KIAA1958: variants seen among roughly 807,000 people sequenced by gnomAD.
KIAA1958 encodes the protein KIAA1958.
A neutral mutation model predicts 47.2 loss-of-function variants in KIAA1958; 14 were observed. That is an observed-to-expected ratio of 0.30 (90% CI 0.20 to 0.46). The LOEUF is 0.46. Among genes scored for constraint, KIAA1958 ranks in the 20% least tolerant of loss-of-function variants. The pLI is 1.00. For synonymous variants in KIAA1958, 354 were observed against 353.3 expected, an observed-to-expected ratio of 1.00 and a Z score of -0.02; for missense variants, 803 against 909.2, an observed-to-expected ratio of 0.88 and a Z score of 1.50.
At chr9:112,571,711 G>T (rs796103878) in intron 1 of KIAA1958, among the ~76,000 whole-genome samples, 4 of 151,980 alleles carry the variant, frequency 2.6e-5, no homozygotes, top group African/African-American at 9.7e-5. Context: ...TGAGCTTTGG[G>T]AGGCTGAGAC....
chr9:112,660,782 A>G lies in KIAA1958; in HGVS notation c.*713A>G, dbSNP rs62575228. 0.077 allele frequency: 11,743 copies of G among 152,334 alleles called. 593 individuals carry two copies. The highest frequency in any genetic ancestry group is 0.11 in the Non-Finnish European group (7,748 of 68,052). The allele number at this position is 152,334 out of a possible 1,614,324, so 9.4% of individuals were successfully genotyped here. A position where few individuals can be genotyped will look rare whatever the true frequency, so the allele number is the denominator to read the frequency against. On this transcript the variant is annotated 3_prime_UTR_variant, in exon 4 of 4. Transcript: ENST00000337530. Reference sequence around the variant, plus strand: ...TCTGTGAGAACAAGGCTTCTAGTGAACTAGACAGTTTGTACCATGAGGGAA... The same window carrying G: ...TCTGTGAGAACAAGGCTTCTAGTGAGCTAGACAGTTTGTACCATGAGGGAA...
chr9:112,609,921 A>G (rs1482848271), intron 2 of KIAA1958, among the ~76,000 whole-genome samples: 1 of 152,202 alleles, frequency 6.6e-6, no homozygotes. Context: ...GACATCTTGT[A>G]TAATACCCTA....
At chr9:112,607,396 ACCTC>A (rs753503355) in intron 2 of KIAA1958, among the ~76,000 whole-genome samples, 29 of 151,836 alleles carry the variant, frequency 1.9e-4, no homozygotes, top group Non-Finnish European at 4.1e-4. Flanking sequence ...TGAGAGAGAG[ACCTC>A]AGTTTTCCAC....
intron 1 of KIAA1958, among the ~76,000 whole-genome samples, chr9:112,570,639 A>G (rs991368342): frequency 1.1e-4 from 17 of 152,238 alleles, no homozygotes; most frequent in Admixed American, 9.8e-4. Context: ...GTTGTGTTGT[A>G]AGGAATACAG....
At chr9:112,487,619 A>G (rs558917137) in intron 1 of KIAA1958, among the ~76,000 whole-genome samples, 1 of 152,086 alleles carries the variant, frequency 6.6e-6, no homozygotes, top group Admixed American at 6.5e-5. Flanking sequence ...TGGCTCGCCG[A>G]GGTGCGTTTG....
intron 1 of KIAA1958, among the ~76,000 whole-genome samples, chr9:112,508,340 G>A (rs928002932): frequency 1.3e-5 from 2 of 152,084 alleles, no homozygotes; most frequent in Non-Finnish European, 2.9e-5. Context: ...AAAAAATAGT[G>A]TCTTACTGGT....
intron 3 of KIAA1958, among the ~76,000 whole-genome samples, chr9:112,648,197 C>G (rs1211468894): frequency 6.6e-6 from 1 of 152,160 alleles, no homozygotes; most frequent in Non-Finnish European, 1.5e-5. Context: ...CAAGAGACAG[C>G]AAACAAGGTA....
rs1307174370 is a variant in KIAA1958 at position 112,659,396 on chromosome 9, G to A, written c.1478G>A (p.Gly493Asp). The A allele has an allele frequency of 6.2e-7, 1 of 1,614,224 alleles. No homozygotes were observed. The highest frequency in any genetic ancestry group is 8.5e-7 in the Non-Finnish European group (1 of 1,180,036). ...RGLDRILKNAGVGFSITSSTF... is the reference protein window; with the variant it reads ...RGLDRILKNADVGFSITSSTF... The stretch of plus-strand genomic sequence containing the variant: ...CTGGACCGCATCCTGAAGAATGCAG[G>A]TGTCGGCTTTTCCATCACCAGCAGC... The change falls in exon 4 of 4, where the codon GGT becomes GAT. Residue 493 changes from glycine to aspartate, a missense_variant. Transcript: ENST00000337530.
rs1051544534 is a variant in KIAA1958, at chr9:112,669,278, A to G, written c.*9209A>G. 1 of 152,164 alleles carries G rather than the reference A, an allele frequency of 6.6e-6. No individual in the cohort carries two copies. The highest frequency in any genetic ancestry group is 2.4e-5 in the African/African-American group (1 of 41,446). The allele number at this position is 152,164 out of a possible 1,614,324, so 9.4% of individuals were successfully genotyped here. A position where few individuals can be genotyped will look rare whatever the true frequency, so the allele number is the denominator to read the frequency against. On this transcript the variant is annotated 3_prime_UTR_variant, in exon 4 of 4. Coordinates refer to ENST00000337530, the MANE Select transcript of KIAA1958 (RefSeq NM_133465.4). ...TTGATAGTCCAGTAGTCTGTTAACAATTTGTAAGGACCTGGGTTATATTTT... is the reference window on the plus strand; with the variant it reads ...TTGATAGTCCAGTAGTCTGTTAACAGTTTGTAAGGACCTGGGTTATATTTT...
In KIAA1958 at chr9:112,668,721, A is replaced by G. The variant is rs79617978; in HGVS notation, c.*8652A>G. The G allele has an allele frequency of 2.6e-4, 39 of 152,318 alleles. No individual in the cohort carries two copies. The highest frequency in any genetic ancestry group is 8.9e-4 in the African/African-American group (37 of 41,580). The allele number at this position is 152,318 out of a possible 1,614,324, so 9.4% of individuals were successfully genotyped here. ...TTTAAATTTAGCAATAGAATAGGCA[A>G]TGGACTGCTTTGCATTTCCTTAGTT... On this transcript the variant is annotated 3_prime_UTR_variant, in exon 4 of 4. Coordinates refer to ENST00000337530, the MANE Select transcript of KIAA1958 (RefSeq NM_133465.4).
intron 3 of KIAA1958, among the ~76,000 whole-genome samples, chr9:112,650,546 G>A (rs786992): frequency 0.73 from 110,935 of 151,682 alleles, 40,757 homozygotes; most frequent in Non-Finnish European, 0.75. Flanking sequence ...GAGCAAGACT[G>A]AAATATAAAA....
intron 2 of KIAA1958, among the ~76,000 whole-genome samples, chr9:112,605,240 G>T (rs1427877058): frequency 1.3e-5 from 2 of 151,848 alleles, no homozygotes; most frequent in Non-Finnish European, 2.9e-5. Context: ...GCTGTTTCCT[G>T]GTTCTTTAAT....
intron 1 of KIAA1958, among the ~76,000 whole-genome samples, chr9:112,542,461 T>C (rs1834960282): frequency 1.3e-5 from 2 of 152,206 alleles, no homozygotes; most frequent in Non-Finnish European, 2.9e-5. Flanking sequence ...ATTTATTGAA[T>C]ATTTTCACAA....
chr9:112,659,500 C>G lies in KIAA1958; in HGVS notation c.1582C>G (p.Arg528Gly), dbSNP rs778017127. 1 of 1,613,510 alleles carries G rather than the reference C, an allele frequency of 6.2e-7. No homozygotes were observed. The highest frequency in any genetic ancestry group is 8.5e-7 in the Non-Finnish European group (1 of 1,179,748). The change falls in exon 4 of 4, where the codon CGC becomes GGC. Residue 528 changes from arginine (R) to glycine (G), a missense_variant. By Grantham distance (125) the Arg-to-Gly change is moderately radical (BLOSUM62 -2). Coordinates refer to ENST00000337530, the MANE Select transcript of KIAA1958 (RefSeq NM_133465.4). ...SKAGMSGARS[R>G]NIVYFSLSDE... The stretch of plus-strand genomic sequence containing the variant: ...GGCAGGCATGTCGGGCGCGCGTTCT[C>G]GCAACATCGTCTACTTCTCCCTTTC...
intron 1 of KIAA1958, among the ~76,000 whole-genome samples, chr9:112,527,424 G>A (rs1249513803): frequency 1.3e-5 from 2 of 152,158 alleles, no homozygotes; most frequent in African/African-American, 4.8e-5. Context: ...AAAGCAACGT[G>A]GCTGGAGGAA....
At chr9:112,636,351 A>G (rs1836804188) in intron 2 of KIAA1958, among the ~76,000 whole-genome samples, 1 of 152,022 alleles carries the variant, frequency 6.6e-6, no homozygotes, top group Non-Finnish European at 1.5e-5. Flanking sequence ...AGAAATGTGT[A>G]TTCTGAAGTT....
chr9:112,642,601 C>T (rs1329080314), intron 2 of KIAA1958, among the ~76,000 whole-genome samples: 1 of 152,222 alleles, frequency 6.6e-6, no homozygotes, highest in South Asian at 2.1e-4. Context: ...TTCTTTCTCT[C>T]ACGCCCAGCT....
chr9:112,600,787 T>C (rs1047332423), intron 2 of KIAA1958, among the ~76,000 whole-genome samples: 1 of 152,222 alleles, frequency 6.6e-6, no homozygotes, highest in Non-Finnish European at 1.5e-5. Context: ...AGGAAGACTT[T>C]GATTTCATGA....
At chr9:112,571,846 GAAAT>G (rs138351687) in intron 1 of KIAA1958, among the ~76,000 whole-genome samples, 15,990 of 140,750 alleles carry the variant, frequency 0.11, 1,254 homozygotes, top group East Asian at 0.21. Context: ...AAAATAAAAA[GAAAT>G]AAAATAAAAA....
Sources: allele counts gnomAD v4.1 joint callset (sites outside exome capture counted in the v4.1 genomes callset), GRCh38; gene constraint gnomAD v4.1.1; transcripts MANE v1.5; gene names NCBI Gene and HGNC (gene_info 2026-07-23, HGNC 2026-07-21).